Variants in GML observed in about 807,000 individuals in gnomAD.
GML encodes glycosylphosphatidylinositol anchored molecule like.
Under a neutral mutation model 8.2 loss-of-function variants are expected in GML, and 5 were observed. The observed-to-expected ratio is 0.61, with a 90% confidence interval of 0.32 to 1.28. The LOEUF is 1.28. Ranked by LOEUF, GML falls within the 50% of genes most tolerant of loss-of-function variation. GML has a pLI of 0.06. For synonymous variants in GML, 72 were observed against 69.0 expected (o/e 1.04, Z -0.22); for missense variants, 191 against 198.3 (o/e 0.96, Z 0.22).
intron 1 of GML, among the ~76,000 whole-genome samples, chr8:142,836,088 T>C (rs554490691): frequency 6.6e-6 from 1 of 152,376 alleles, no homozygotes; most frequent in Admixed American, 6.5e-5. Context: ...GTAAGTAAAC[T>C]GTTTTCTTGT....
intron 1 of GML, 58 bp from the exon 2 acceptor site, chr8:142,840,358 A>C: frequency 1.6e-5 from 17 of 1,085,956 alleles, no homozygotes; most frequent in Non-Finnish European, 2.3e-5. Context: ...CCAGGGGCAT[A>C]GAGCTGGCCA....
intron 2 of GML, 34 bp downstream of exon 2, chr8:142,840,544 G>T: frequency 6.6e-7 from 1 of 1,504,104 alleles, no homozygotes. Flanking sequence ...TCCTGGAGAG[G>T]ACGAGAATTC....
At chr8:142,837,505 G>T (rs779439383) in intron 1 of GML, among the ~76,000 whole-genome samples, 4 of 151,542 alleles carry the variant, frequency 2.6e-5, no homozygotes, top group Non-Finnish European at 4.4e-5. Flanking sequence ...GGTTACCGCA[G>T]GCAGTTTCAG....
chr8:142,841,070 A>G, intron 2 of GML, 48 bp from the exon 3 acceptor site: 1 of 910,536 alleles, frequency 1.1e-6, no homozygotes. Context: ...AATGGGTGGA[A>G]AAGGCGTAGT....
chr8:142,840,969 C>G (rs1184076580), intron 2 of GML, 149 bp from the exon 3 acceptor site: 2 of 610,632 alleles, frequency 3.3e-6, no homozygotes, highest in African/African-American at 3.7e-5. Context: ...CAGACTCAGA[C>G]TGCATAGAGA....
rs1160085330 is a variant in GML, at chr8:142,840,395, TA to T, written c.-22-20del. On this transcript the variant is annotated intron_variant, in intron 1 of 3. Transcript: ENST00000220940. ...GGAGCCATGGCTCACTAACGTGTTG[TA>T]TGGGGCTCCTTCCCTTCAGGTCCAG... 8 of 1,466,998 alleles carry T rather than the reference TA, an allele frequency of 5.5e-6. No individual in the cohort carries two copies. The highest frequency in any genetic ancestry group is 5.0e-5 in the Admixed American group (3 of 59,818). The allele number at this position is 1,466,998 out of a possible 1,614,324, so 90.9% of individuals were successfully genotyped here.
At chr8:142,845,590 A>G (rs577538254) in intron 3 of GML, among the ~76,000 whole-genome samples, 77 of 152,330 alleles carry the variant, frequency 5.1e-4, no homozygotes, top group African/African-American at 1.8e-3. Flanking sequence ...TAAACACTGG[A>G]TAGACTTCAA....
Position 142,840,043 on chromosome 8 carries a change from G to A in GML, c.-22-373G>A, listed in dbSNP as rs533612046. 1.4e-3 allele frequency among the ~76,000 whole-genome samples: 206 copies of A among 150,004 alleles called. 1 individual carries two copies. The highest frequency in any genetic ancestry group is 5.0e-3 in the African/African-American group (199 of 39,674). On this transcript the variant is annotated intron_variant, in intron 1 of 3. Transcript: ENST00000220940. ...AGTGGGCGGAGGGAGCGGGAAGCGCGTCAGTGGGCGGAGTATTTGAGAACA... is the reference window on the plus strand; with the variant it reads ...AGTGGGCGGAGGGAGCGGGAAGCGCATCAGTGGGCGGAGTATTTGAGAACA...
rs1816507855 is a variant in GML at position 142,846,668 on chromosome 8, T to C, written c.455T>C (p.Ile152Thr). 1.2e-6 allele frequency: 2 copies of C among 1,613,856 alleles called. No individual in the cohort carries two copies. The highest frequency in any genetic ancestry group is 1.7e-5 in the Admixed American group (1 of 60,014). Residue 152 changes from isoleucine (I) to threonine (T), a missense_variant, in exon 4 of 4, where the codon ATA (isoleucine) becomes ACA (threonine). Physicochemically the swap from Ile to Thr is moderately conservative, Grantham distance 89. Transcript: ENST00000220940. ...SKLLLSFASI[I>T]VSNILP ...CTGTTGCTGAGTTTTGCCTCTATCA[T>C]AGTCAGCAATATATTGCCATGAGGA...
chr8:142,835,344 C>A (rs879581413), intron 1 of GML, among the ~76,000 whole-genome samples: 6 of 152,134 alleles, frequency 3.9e-5, no homozygotes, highest in Non-Finnish European at 5.9e-5. Context: ...CCGTTCAGTT[C>A]TTGAGTCCCC....
At chr8:142,835,371 C>G (rs1320832150) in intron 1 of GML, among the ~76,000 whole-genome samples, 1 of 152,176 alleles carries the variant, frequency 6.6e-6, no homozygotes, top group Non-Finnish European at 1.5e-5. Context: ...CGGGGTGTCC[C>G]GGGGCCGCCC....
At chr8:142,845,712 G>A (rs1413251311) in intron 3 of GML, among the ~76,000 whole-genome samples, 1 of 152,222 alleles carries the variant, frequency 6.6e-6, no homozygotes, top group Non-Finnish European at 1.5e-5. Context: ...CACTGGACAA[G>A]CCCTCTAGTG....
chr8:142,840,039 GC>G (rs2130218261), intron 1 of GML, among the ~76,000 whole-genome samples: 1 of 149,478 alleles, frequency 6.7e-6, no homozygotes, highest in African/African-American at 2.5e-5. Flanking sequence ...GGAGCGGGAA[GC>G]GCGTCAGTGG....
At chr8:142,846,175 A>G (rs2130229776) in intron 3 of GML, among the ~76,000 whole-genome samples, 1 of 152,372 alleles carries the variant, frequency 6.6e-6, no homozygotes, top group Non-Finnish European at 1.5e-5. Context: ...CAGCTTAGAT[A>G]GAAAACTATC....
chr8:142,846,768 C>T lies in GML; in HGVS notation c.*78C>T. 1 of 1,095,506 alleles carries T rather than the reference C, an allele frequency of 9.1e-7. No individual in the cohort carries two copies. Among genetic ancestry groups the T allele is most frequent in the Non-Finnish European group, 1.3e-6 (1 of 743,342 alleles). The allele number at this position is 1,095,506 out of a possible 1,614,324, so 67.9% of individuals were successfully genotyped here. ...TGCTCTCCATTATTCCCTTCTAAGC[C>T]AGAGACCCTTATCCACTGCTCCTCT... On this transcript the variant is annotated 3_prime_UTR_variant, in exon 4 of 4. Coordinates refer to ENST00000220940, the MANE Select transcript of GML (RefSeq NM_002066.3).
intron 3 of GML, among the ~76,000 whole-genome samples, chr8:142,841,639 C>T: frequency 6.6e-6 from 1 of 152,174 alleles, no homozygotes; most frequent in East Asian, 1.9e-4. Context: ...GGACTCCCCC[C>T]AGGGAAAAAC....
At position 142,840,503 on chromosome 8, in the gene GML, C is replaced by G; in HGVS notation, c.66C>G (p.Arg22=). The change falls in exon 2 of 4, where the codon CGC becomes CGG. Residue 22 remains arginine (R), a synonymous_variant. Transcript: ENST00000220940. Reference sequence around the variant, plus strand: ...TGGTGGCAGCCAGTGCCACCATGCGCGCTCAGTGTAAGTATCATTCCCTCT... The same window carrying G: ...TGGTGGCAGCCAGTGCCACCATGCGGGCTCAGTGTAAGTATCATTCCCTCT... ...LPLVAASATM[R]AQWTYSLRCH... is the part of the protein sequence containing the mutation. 4 of 1,605,970 alleles carry G rather than the reference C, an allele frequency of 2.5e-6. No homozygotes were observed. Among genetic ancestry groups the G allele is most frequent in the Non-Finnish European group, 3.4e-6 (4 of 1,172,506 alleles).
chr8:142,844,392 A>G (rs1487777283), intron 3 of GML, among the ~76,000 whole-genome samples: 1 of 152,236 alleles, frequency 6.6e-6, no homozygotes, highest in Non-Finnish European at 1.5e-5. Context: ...GACTTTTAGG[A>G]ATTAAGAATT....
intron 3 of GML, among the ~76,000 whole-genome samples, chr8:142,841,984 C>T (rs981799854): frequency 3.3e-5 from 5 of 152,150 alleles, no homozygotes; most frequent in East Asian, 3.9e-4. Context: ...ATTACCACCT[C>T]GGTGTGGTTT....
Sources: allele counts gnomAD v4.1 joint callset (sites outside exome capture counted in the v4.1 genomes callset), GRCh38; gene constraint gnomAD v4.1.1; transcripts MANE v1.5; gene names NCBI Gene and HGNC (gene_info 2026-07-23, HGNC 2026-07-21).